TBL1X: variants seen among roughly 807,000 people sequenced by gnomAD.
TBL1X encodes transducin beta like 1 X-linked, also known as F-box-like/WD repeat-containing protein TBL1X.
A neutral mutation model predicts 50.7 loss-of-function variants in TBL1X; 10 were observed. That is an observed-to-expected ratio of 0.20 (90% CI 0.12 to 0.33). The LOEUF is 0.33. Among genes scored for constraint, TBL1X ranks in the 10% least tolerant of loss-of-function variants. The pLI is 1.00. For missense variants in TBL1X, 340 were observed against 504.4 expected (o/e 0.67, Z 3.12); for synonymous variants, 190 against 214.7 (o/e 0.88, Z 1.01).
chrX:9,653,469 C>T (rs957050813), intron 3 of TBL1X, 76 bp from the exon 4 acceptor site: 11 of 633,575 alleles, frequency 1.7e-5, no homozygotes, highest in African/African-American at 1.3e-4. Context: ...CTTAGCCAGA[C>T]GGATGCAGCG....
At chrX:9,627,705 T>A (rs753408087) in intron 2 of TBL1X, among the ~76,000 whole-genome samples, 1 of 112,368 alleles carries the variant, frequency 8.9e-6, no homozygotes, top group African/African-American at 3.2e-5. Context: ...AAGTTACTAC[T>A]CCCTTCAATA....
chrX:9,553,990 C>G (rs1288621597), intron 2 of TBL1X, among the ~76,000 whole-genome samples: 1 of 111,568 alleles, frequency 9.0e-6, no homozygotes. Context: ...AGGCGATCCT[C>G]CCACCTCAGC....
chrX:9,473,481 C>G (rs1332349485), intron 1 of TBL1X, among the ~76,000 whole-genome samples: 1 of 111,851 alleles, frequency 8.9e-6, no homozygotes, highest in Non-Finnish European at 1.9e-5. Flanking sequence ...CTTTTCTTGT[C>G]TAGGTTTGTT....
At chrX:9,660,851 T>C (rs1458321348) in intron 5 of TBL1X, among the ~76,000 whole-genome samples, 1 of 112,439 alleles carries the variant, frequency 8.9e-6, no homozygotes, top group Non-Finnish European at 1.9e-5. Context: ...ATGGTCCCAA[T>C]GTTTCTGTTC....
intron 2 of TBL1X, among the ~76,000 whole-genome samples, chrX:9,536,013 C>T (rs746023012): frequency 8.9e-6 from 1 of 111,770 alleles, no homozygotes; most frequent in Non-Finnish European, 1.9e-5. Context: ...TGGGCTGCGG[C>T]ACATGAATTT....
At chrX:9,472,449 T>C (rs1210203199) in intron 1 of TBL1X, among the ~76,000 whole-genome samples, 20 of 106,446 alleles carry the variant, frequency 1.9e-4, no homozygotes, top group East Asian at 2.9e-4. Context: ...CTTTTTTTTT[T>C]TTTTTTTAAT....
intron 5 of TBL1X, among the ~76,000 whole-genome samples, chrX:9,678,327 C>G (rs2083006542): frequency 9.0e-6 from 1 of 111,479 alleles, no homozygotes; most frequent in Non-Finnish European, 1.9e-5. Flanking sequence ...TCTGTTGCAC[C>G]TACTCAACTC....
chrX:9,556,093 G>A (rs1055694846), intron 2 of TBL1X, among the ~76,000 whole-genome samples: 4 of 110,070 alleles, frequency 3.6e-5, no homozygotes, highest in African/African-American at 1.3e-4. Context: ...GGAGGCTGAG[G>A]TGGGAGGATT....
rs191461518 is a variant in TBL1X, at chrX:9,549,730, A to G, written c.-131+47881A>G. On this transcript the variant is annotated intron_variant, in intron 2 of 17. Coordinates refer to ENST00000645353, the MANE Select transcript of TBL1X (RefSeq NM_005647.4). ...CTGGGCAGGCCCCTTTTTGGAATGG[A>G]GTTTCGTTATACAGAAAGTTGTTCT... is the stretch of plus-strand genomic sequence containing the variant. 4.5e-5 allele frequency among the ~76,000 whole-genome samples: 5 copies of G among 111,315 alleles called. 1 individual carries two copies. The highest frequency in any genetic ancestry group is 1.6e-4 in the African/African-American group (5 of 30,675).
chrX:9,498,760 G>A (rs1401675430), intron 1 of TBL1X, among the ~76,000 whole-genome samples: 1 of 112,717 alleles, frequency 8.9e-6, no homozygotes, highest in Non-Finnish European at 1.9e-5. Context: ...GGACATGGAG[G>A]AGGGAGTTTC....
chrX:9,596,769 G>GA (rs1308285022), intron 2 of TBL1X, among the ~76,000 whole-genome samples: 11 of 111,000 alleles, frequency 9.9e-5, no homozygotes, highest in African/African-American at 3.6e-4. Flanking sequence ...TGACTCCTGC[G>GA]AGCTGCCTTG....
intron 2 of TBL1X, among the ~76,000 whole-genome samples, chrX:9,552,615 C>G (rs1023510338): frequency 8.9e-6 from 1 of 111,983 alleles, no homozygotes; most frequent in Non-Finnish European, 1.9e-5. Context: ...AAGGGTGTTA[C>G]TACTGGTCAA....
At chrX:9,693,871 A>G (rs898247659) in intron 11 of TBL1X, among the ~76,000 whole-genome samples, 2 of 110,706 alleles carry the variant, frequency 1.8e-5, no homozygotes, top group African/African-American at 6.6e-5. Flanking sequence ...GTAGGAGTCA[A>G]GCAACCTGGC....
Position 9,688,155 on chromosome X carries a change from G to A in TBL1X, c.496G>A (p.Ala166Thr), listed in dbSNP as rs779466082. The change falls in exon 7 of 18, where the codon GCT (alanine) becomes ACT (threonine). Residue 166 changes from alanine (A) to threonine (T), a missense_variant. By Grantham distance (58) the Ala-to-Thr change is moderately conservative (BLOSUM62 0). Coordinates refer to ENST00000645353, the MANE Select transcript of TBL1X (RefSeq NM_005647.4). ...GCAAGCCAGTGCGGCGGCGGCGGCGGCTGCGGCCACGGCAGCAGCGACAGC... is the reference window on the plus strand; with the variant it reads ...GCAAGCCAGTGCGGCGGCGGCGGCGACTGCGGCCACGGCAGCAGCGACAGC... ...QQQASAAAAAAAATAAATAAT... is the reference protein window; with the variant it reads ...QQQASAAAAATAATAAATAAT... 1.7e-6 allele frequency: 2 copies of A among 1,198,762 alleles called. No individual in the cohort carries two copies. The highest frequency in any genetic ancestry group is 2.2e-6 in the Non-Finnish European group (2 of 889,081).
intron 2 of TBL1X, among the ~76,000 whole-genome samples, chrX:9,572,115 C>T (rs148468579): frequency 6.2e-4 from 70 of 112,078 alleles, no homozygotes; most frequent in Non-Finnish European, 5.8e-4. Flanking sequence ...CACACCCCCG[C>T]GGAAAACTCC....
intron 3 of TBL1X, among the ~76,000 whole-genome samples, 194 bp from the exon 4 acceptor site, chrX:9,653,351 T>C (rs1030459668): frequency 8.9e-6 from 1 of 112,397 alleles, no homozygotes; most frequent in Non-Finnish European, 1.9e-5. Flanking sequence ...CCGGGTGGTG[T>C]CTAAGAAAAC....
chrX:9,579,680 G>T (rs1228131433), intron 2 of TBL1X, among the ~76,000 whole-genome samples: 2 of 111,652 alleles, frequency 1.8e-5, no homozygotes. Flanking sequence ...AACATCCTTT[G>T]TTTCCATCGG....
chrX:9,545,000 C>CTTT (rs34726098), intron 2 of TBL1X, among the ~76,000 whole-genome samples: 1,011 of 71,714 alleles, frequency 0.014, 57 homozygotes, highest in African/African-American at 0.049. Context: ...TTTCCCCCCA[C>CTTT]TTTTTTTTTT....
At chrX:9,597,234 A>C (rs1163251572) in intron 2 of TBL1X, among the ~76,000 whole-genome samples, 1 of 111,714 alleles carries the variant, frequency 9.0e-6, no homozygotes, top group Non-Finnish European at 1.9e-5. Flanking sequence ...ATCTTACCTA[A>C]GGACAAAAAA....
Sources: allele counts gnomAD v4.1 joint callset (sites outside exome capture counted in the v4.1 genomes callset), GRCh38; gene constraint gnomAD v4.1.1; transcripts MANE v1.5; gene names NCBI Gene and HGNC (gene_info 2026-07-23, HGNC 2026-07-21).